MAF: variants seen among roughly 807,000 people sequenced by gnomAD.
The protein encoded by MAF is transcription factor Maf.
A neutral mutation model predicts 22.0 loss-of-function variants in MAF; 10 were observed. The observed-to-expected ratio is 0.45, with a 90% CI of 0.28 to 0.77. The LOEUF (loss-of-function observed/expected upper bound fraction) is 0.77, where lower values mean the gene tolerates loss of function less well. MAF is among the 30% of genes least tolerant of loss of function. The pLI is 0.12. For synonymous variants in MAF, 337 were observed against 255.8 expected, an observed-to-expected ratio of 1.32 and a Z score of -3.03; for missense variants, 544 against 548.4, an observed-to-expected ratio of 0.99 and a Z score of 0.08.
At chr16:79,334,838 AGT>A in the MAF span, among the ~76,000 whole-genome samples, 3,158 of 147,140 alleles carry the variant, frequency 0.021, 111 homozygotes, top group African/African-American at 0.07. Flanking sequence ...ACGTCAATAA[AGT>A]GTGTGTGTGT....
chr16:79,586,067 T>C (rs553491151), intron 1 of MAF: 2 of 540,908 alleles, frequency 3.7e-6, no homozygotes, highest in South Asian at 2.7e-5. Context: ...AAAAGAAGAG[T>C]GATTTTGTTC....
the MAF span, among the ~76,000 whole-genome samples, chr16:79,335,473 A>G: frequency 6.6e-6 from 1 of 152,158 alleles, no homozygotes; most frequent in East Asian, 1.9e-4. Context: ...CAGAAAGACC[A>G]GGGGGGACAG....
the MAF span, among the ~76,000 whole-genome samples, chr16:79,408,213 G>A: frequency 6.6e-6 from 1 of 151,800 alleles, no homozygotes; most frequent in African/African-American, 2.4e-5. Context: ...CTCTCGCTCT[G>A]TCACCCAAGC....
the MAF span, among the ~76,000 whole-genome samples, chr16:79,261,841 C>T: frequency 3.3e-4 from 50 of 152,210 alleles, no homozygotes; most frequent in African/African-American, 1.2e-3. Flanking sequence ...TCCTTGGGGG[C>T]GTTGGGGGTG....
the MAF span, among the ~76,000 whole-genome samples, chr16:79,395,955 G>A: frequency 2.2e-4 from 33 of 152,268 alleles, no homozygotes; most frequent in East Asian, 4.2e-3. Flanking sequence ...TGGCCCCCCC[G>A]GTGGCATTTG....
At chr16:79,348,974 C>A in the MAF span, among the ~76,000 whole-genome samples, 1 of 152,282 alleles carries the variant, frequency 6.6e-6, no homozygotes, top group East Asian at 1.9e-4. Flanking sequence ...TGCCCACCAT[C>A]ACTCCCCCTG....
the MAF span, among the ~76,000 whole-genome samples, chr16:79,448,113 A>G: frequency 6.6e-6 from 1 of 152,296 alleles, no homozygotes; most frequent in South Asian, 2.1e-4. Context: ...GCAGCGTTTG[A>G]GAGGTTTGAT....
chr16:79,338,131 C>T, the MAF span, among the ~76,000 whole-genome samples: 1 of 152,274 alleles, frequency 6.6e-6, no homozygotes, highest in South Asian at 2.1e-4. Flanking sequence ...GTGTAGTCTT[C>T]AGCAGGGCCG....
At chr16:79,453,103 T>G in the MAF span, among the ~76,000 whole-genome samples, 5 of 152,180 alleles carry the variant, frequency 3.3e-5, no homozygotes, top group African/African-American at 9.7e-5. Flanking sequence ...AGCTTCTCCT[T>G]GAAATCAAAG....
the MAF span, among the ~76,000 whole-genome samples, chr16:79,422,090 T>C: frequency 6.6e-6 from 1 of 152,212 alleles, no homozygotes; most frequent in Admixed American, 6.5e-5. Flanking sequence ...GAGTAGTGAA[T>C]TCTTAATGAG....
chr16:79,411,137 C>T, the MAF span, among the ~76,000 whole-genome samples: 1 of 152,142 alleles, frequency 6.6e-6, no homozygotes, highest in Non-Finnish European at 1.5e-5. Flanking sequence ...TCCCCAGTCA[C>T]TATTCAGGTG....
At chr16:79,371,393 G>A in the MAF span, among the ~76,000 whole-genome samples, 52,490 of 151,982 alleles carry the variant, frequency 0.35, 9,821 homozygotes, top group Non-Finnish European at 0.43. Flanking sequence ...GGACACAGAC[G>A]CCTCCTCTCA....
chr16:79,512,352 G>A, the MAF span, among the ~76,000 whole-genome samples: 1 of 152,180 alleles, frequency 6.6e-6, no homozygotes, highest in Admixed American at 6.5e-5. Flanking sequence ...CTGGTCTCTG[G>A]TTGAAGAAAA....
At chr16:79,408,258 C>T in the MAF span, among the ~76,000 whole-genome samples, 1 of 152,040 alleles carries the variant, frequency 6.6e-6, no homozygotes, top group Non-Finnish European at 1.5e-5. Context: ...CTTGCTGCAA[C>T]TGCCACCTCC....
chr16:79,323,446 G>A, the MAF span, among the ~76,000 whole-genome samples: 2 of 152,044 alleles, frequency 1.3e-5, no homozygotes, highest in Non-Finnish European at 2.9e-5. Flanking sequence ...CTGTATCACC[G>A]ATGCAACTTT....
the MAF span, among the ~76,000 whole-genome samples, chr16:79,395,248 T>C: frequency 2.6e-5 from 4 of 152,114 alleles, no homozygotes; most frequent in Non-Finnish European, 4.4e-5. Flanking sequence ...AGGAGCTGGA[T>C]CATATTCTGA....
At chr16:79,529,912 G>C in the MAF span, among the ~76,000 whole-genome samples, 1 of 122,042 alleles carries the variant, frequency 8.2e-6, no homozygotes, top group East Asian at 2.4e-4. Context: ...AGTGATCCGA[G>C]ACTACACTAC....
chr16:79,414,921 A>G, the MAF span, among the ~76,000 whole-genome samples: 1 of 152,232 alleles, frequency 6.6e-6, no homozygotes. Context: ...TGGGATTTCC[A>G]TGTCATAGGG....
At chr16:79,208,544 C>T in the MAF span, among the ~76,000 whole-genome samples, 4 of 152,106 alleles carry the variant, frequency 2.6e-5, no homozygotes, top group Non-Finnish European at 5.9e-5. Flanking sequence ...CTTTAGATGG[C>T]TCTTTCATCT....
Sources: gnomAD v4.1 joint callset for allele counts (sites outside exome capture counted in the v4.1 genomes callset) on GRCh38, gnomAD v4.1.1 for gene constraint, MANE v1.5 for transcripts, NCBI Gene and HGNC (gene_info 2026-07-23, HGNC 2026-07-21) for gene names.